OPCML: variants seen among roughly 807,000 people sequenced by gnomAD.
OPCML encodes the protein opioid binding protein/cell adhesion molecule like.
OPCML carries 13 observed loss-of-function variants against 37.8 expected under a neutral mutation model. The ratio of observed to expected loss-of-function variants is 0.34; its 90% confidence interval spans 0.22 to 0.55. The LOEUF (loss-of-function observed/expected upper bound fraction) is 0.55, where lower values mean the gene tolerates loss of function less well. Among genes scored for constraint, OPCML ranks in the 20% least tolerant of loss-of-function variants. The pLI, the probability that OPCML is intolerant of heterozygous loss-of-function variation, is 0.91. For missense variants in OPCML, 341 were observed against 435.6 expected (o/e 0.78, Z 1.93); for synonymous variants, 176 against 168.8 (o/e 1.04, Z -0.33).
chr11:133,345,476 G>A (rs781461360), intron 1 of OPCML, among the ~76,000 whole-genome samples: 14 of 152,138 alleles, frequency 9.2e-5, no homozygotes, highest in Non-Finnish European at 1.8e-4. Context: ...CGGCAGTAAT[G>A]TTCCATGAAA....
intron 7 of OPCML, among the ~76,000 whole-genome samples, chr11:132,427,353 T>C (rs2095981044): frequency 6.6e-6 from 1 of 152,170 alleles, no homozygotes; most frequent in Non-Finnish European, 1.5e-5. Flanking sequence ...AGCAAAGAAA[T>C]CTAATTAGAT....
chr11:132,837,535 C>T (rs1246413925), intron 2 of OPCML, among the ~76,000 whole-genome samples: 2 of 152,140 alleles, frequency 1.3e-5, no homozygotes, highest in Non-Finnish European at 2.9e-5. Flanking sequence ...GGACCTGCTC[C>T]TCGAGGAATG....
intron 2 of OPCML, among the ~76,000 whole-genome samples, chr11:132,726,824 C>CAG (rs1457559082): frequency 4.6e-5 from 7 of 152,216 alleles, no homozygotes; most frequent in African/African-American, 1.7e-4. Flanking sequence ...GCTCATCCAA[C>CAG]AGACGTAAAG....
intron 3 of OPCML, among the ~76,000 whole-genome samples, chr11:132,583,137 T>C (rs75866942): frequency 0.014 from 2,197 of 152,106 alleles, 59 homozygotes; most frequent in African/African-American, 0.05. Flanking sequence ...TCTGCAGTCT[T>C]GACCTCCTGG....
At chr11:132,628,588 T>A (rs1939886879) in intron 3 of OPCML, among the ~76,000 whole-genome samples, 1 of 152,122 alleles carries the variant, frequency 6.6e-6, no homozygotes, top group African/African-American at 2.4e-5. Flanking sequence ...ATCTCCTTCC[T>A]CAGGCTCTCC....
At chr11:133,199,112 C>G (rs1475522102) in intron 1 of OPCML, among the ~76,000 whole-genome samples, 1 of 152,008 alleles carries the variant, frequency 6.6e-6, no homozygotes, top group African/African-American at 2.4e-5. Flanking sequence ...CAACGGGGGG[C>G]TCTAGTTCAC....
Position 132,738,656 on chromosome 11 carries a change from G to T in OPCML, c.147-81337C>A, listed in dbSNP as rs75108131. On this transcript the variant is annotated intron_variant, in intron 2 of 7. Transcript: ENST00000524381. ...TGAGGAAGCAGCTCCCTGTGGTTCT[G>T]TAGAATCAGAGCTGTTTGTCATACT... is the stretch of plus-strand genomic sequence containing the variant. 2.0e-3 allele frequency among the ~76,000 whole-genome samples: 298 copies of T among 152,296 alleles called. 2 individuals carry two copies. Among genetic ancestry groups the T allele is most frequent in the African/African-American group, 7.0e-3 (289 of 41,566 alleles).
At position 132,415,704 on chromosome 11, in the gene OPCML, T is replaced by G. The variant is rs1278897998; in HGVS notation, c.*4489A>C. On this transcript the variant is annotated 3_prime_UTR_variant, in exon 8 of 8. Transcript: ENST00000524381. The stretch of plus-strand genomic sequence containing the variant: ...CAGGATAAAGACAACTGCATCTAAT[T>G]AAGTCCACTCCACATTTCTTTGGAC... The G allele has an allele frequency of 2.0e-5, 3 of 152,594 alleles. No individual in the cohort carries two copies. The highest frequency in any genetic ancestry group is 2.9e-5 in the Non-Finnish European group (2 of 68,042). 9.5% of individuals were successfully genotyped at this position (152,594 alleles called of 1,614,324 possible).
chr11:133,451,771 G>A (rs1946584681), intron 1 of OPCML, among the ~76,000 whole-genome samples: 1 of 151,250 alleles, frequency 6.6e-6, no homozygotes, highest in Non-Finnish European at 1.5e-5. Context: ...GAACCCGGGA[G>A]GTGGAGGTTG....
intron 1 of OPCML, among the ~76,000 whole-genome samples, chr11:133,009,865 G>A (rs563495575): frequency 1.3e-5 from 2 of 152,220 alleles, no homozygotes; most frequent in East Asian, 3.9e-4. Flanking sequence ...GACTGGTATT[G>A]GTCCACAGCC....
intron 1 of OPCML, among the ~76,000 whole-genome samples, chr11:133,377,434 C>T (rs1001672085): frequency 1.3e-5 from 2 of 151,708 alleles, no homozygotes; most frequent in African/African-American, 4.9e-5. Flanking sequence ...TTGAAGATAC[C>T]AGGATGGCAG....
At chr11:133,353,262 G>C (rs906387010) in intron 1 of OPCML, among the ~76,000 whole-genome samples, 7 of 151,986 alleles carry the variant, frequency 4.6e-5, no homozygotes, top group Non-Finnish European at 8.8e-5. Flanking sequence ...TGCCTCCCAG[G>C]TTCAAACAAT....
chr11:133,062,823 G>T (rs917936143), intron 1 of OPCML, among the ~76,000 whole-genome samples: 1 of 152,220 alleles, frequency 6.6e-6, no homozygotes, highest in Non-Finnish European at 1.5e-5. Flanking sequence ...CCGCCCCTGA[G>T]CCTCTGCCTT....
At chr11:132,459,648 T>C (rs2096094326) in intron 4 of OPCML, among the ~76,000 whole-genome samples, 1 of 151,834 alleles carries the variant, frequency 6.6e-6, no homozygotes, top group African/African-American at 2.4e-5. Context: ...CCACATATCA[T>C]TTTGGAACAT....
chr11:133,189,604 C>T (rs528790189), intron 1 of OPCML, among the ~76,000 whole-genome samples: 1 of 152,300 alleles, frequency 6.6e-6, no homozygotes, highest in East Asian at 1.9e-4. Flanking sequence ...TTCAGGAGAT[C>T]CTAGCATATC....
intron 1 of OPCML, among the ~76,000 whole-genome samples, chr11:132,981,626 T>C (rs1165245939): frequency 3.3e-5 from 5 of 152,190 alleles, no homozygotes; most frequent in Non-Finnish European, 7.3e-5. Context: ...CACGTAAGAA[T>C]GACTAGAGGA....
intron 2 of OPCML, among the ~76,000 whole-genome samples, chr11:132,755,617 A>G (rs1372852863): frequency 6.6e-6 from 1 of 152,220 alleles, no homozygotes; most frequent in African/African-American, 2.4e-5. Flanking sequence ...TGTGTGGTTC[A>G]TGGATTCATT....
At chr11:133,077,219 G>A (rs1310310389) in intron 1 of OPCML, among the ~76,000 whole-genome samples, 1 of 151,890 alleles carries the variant, frequency 6.6e-6, no homozygotes, top group Non-Finnish European at 1.5e-5. Context: ...TTGGCCAAGG[G>A]AATCTGGAGA....
At chr11:132,559,410 T>C (rs189593107) in intron 3 of OPCML, among the ~76,000 whole-genome samples, 19 of 152,306 alleles carry the variant, frequency 1.2e-4, no homozygotes, top group Non-Finnish European at 1.0e-4. Flanking sequence ...GATACATTTA[T>C]CAGAAGCTTT....
Sources: allele counts gnomAD v4.1 joint callset (sites outside exome capture counted in the v4.1 genomes callset), GRCh38; gene constraint gnomAD v4.1.1; transcripts MANE v1.5; gene names NCBI Gene and HGNC (gene_info 2026-07-23, HGNC 2026-07-21).